The following PSMA7 variants were observed in gnomAD, a reference collection of about 807,000 sequenced individuals.
PSMA7 encodes proteasome 20S subunit alpha 7, also known as proteasome subunit alpha type-7.
In PSMA7, 5 loss-of-function variants were observed where a neutral mutation model predicts 31.3. The ratio of observed to expected loss-of-function variants is 0.16; its 90% CI spans 0.08 to 0.34. The LOEUF is 0.34. Among genes scored for constraint, PSMA7 ranks in the 10% least tolerant of loss-of-function variants. The probability of loss-of-function intolerance (pLI) is 1.00; values close to 1 mark genes in which losing one functional copy is unlikely to be tolerated. For synonymous variants in PSMA7, 155 were observed against 121.9 expected, an observed-to-expected ratio of 1.27 and a Z score of -1.79; for missense variants, 217 against 327.5, an observed-to-expected ratio of 0.66 and a Z score of 2.60.
At chr20:62,142,531 G>C (rs756788286) in intron 1 of PSMA7, 2 of 152,252 alleles carry the variant, frequency 1.3e-5, no homozygotes, top group Non-Finnish European at 2.9e-5. Context: ...ATGTCACTAA[G>C]GTCAATGTAC....
intron 4 of PSMA7, 141 bp from the exon 5 acceptor site, chr20:62,138,431 C>T (rs1416172393): frequency 1.8e-6 from 2 of 1,102,058 alleles, no homozygotes; most frequent in African/African-American, 3.1e-5. Flanking sequence ...CAGCTGTGGA[C>T]ACAGGCCCTG....
chr20:62,141,101 T>C (rs2056924963), intron 1 of PSMA7, among the ~76,000 whole-genome samples, 157 bp from the exon 2 acceptor site: 2 of 152,184 alleles, frequency 1.3e-5, no homozygotes, highest in Admixed American at 1.3e-4. Context: ...AAACCCTGTC[T>C]CTACAAAAAG....
Position 62,136,818 on chromosome 20 carries a change from A to G in PSMA7, c.*39T>C. 1 of 1,578,886 alleles carries G rather than the reference A, an allele frequency of 6.3e-7. No individual in the cohort carries two copies. The highest frequency in any genetic ancestry group is 8.6e-7 in the Non-Finnish European group (1 of 1,167,026). On this transcript the variant is annotated 3_prime_UTR_variant, in exon 7 of 7. Coordinates refer to ENST00000370873, the MANE Select transcript of PSMA7 (RefSeq NM_002792.4). ...ACACATCGAGACTCATCCATGATTG[A>G]TATGAATTTAAAAATTACAAGCAAA...
In PSMA7 at chr20:62,139,909, C is replaced by T; in HGVS notation, c.224-4G>A. On this transcript the variant is annotated splice_polypyrimidine_tract_variant and splice_region_variant and intron_variant, in intron 2 of 6. Coordinates refer to ENST00000370873, the MANE Select transcript of PSMA7 (RefSeq NM_002792.4). Reference sequence around the variant, plus strand: ...ATCCTTGCATCGGCGGTGAGGCCTGCAAGGAAAGCAGAGAGGCTTCTGCTA... The same window carrying T: ...ATCCTTGCATCGGCGGTGAGGCCTGTAAGGAAAGCAGAGAGGCTTCTGCTA... The T allele has an allele frequency of 6.2e-7, 1 of 1,612,802 alleles. No homozygotes were observed.
At chr20:62,140,155 G>C (rs962564697) in intron 2 of PSMA7, among the ~76,000 whole-genome samples, 10 of 152,132 alleles carry the variant, frequency 6.6e-5, no homozygotes, top group Non-Finnish European at 1.0e-4. Flanking sequence ...GGCTGAAAAT[G>C]CATTTACTAC....
chr20:62,142,147 G>T (rs6089665), intron 1 of PSMA7, among the ~76,000 whole-genome samples: 96,443 of 152,122 alleles, frequency 0.63, 35,048 homozygotes, highest in Non-Finnish European at 0.8. Context: ...TTGATCTGAA[G>T]TGTTTGGGTT....
At chr20:62,143,121 G>A (rs2056949727) in intron 1 of PSMA7, 87 bp downstream of exon 1, 5 of 867,922 alleles carry the variant, frequency 5.8e-6, no homozygotes, top group Non-Finnish European at 5.6e-6. Flanking sequence ...GGCGCCCACA[G>A]CGCCGCGCCC....
At chr20:62,137,472 A>G (rs756488595) in intron 5 of PSMA7, 46 bp from the exon 6 acceptor site, 1 of 1,586,442 alleles carries the variant, frequency 6.3e-7, no homozygotes, top group South Asian at 1.1e-5. Flanking sequence ...TTCCCTATTC[A>G]AGACAAAAGC....
Position 62,143,160 on chromosome 20 carries a change from C to T in PSMA7, c.96+48G>A. Reference sequence around the variant, plus strand: ...CCCGGCCCTCTCTGGGCTCCCCAGCCCCACTTCCGCCCGCGTCCCCGGCCC... The same window carrying T: ...CCCGGCCCTCTCTGGGCTCCCCAGCTCCACTTCCGCCCGCGTCCCCGGCCC... On this transcript the variant is annotated intron_variant, in intron 1 of 6. Coordinates refer to ENST00000370873, the MANE Select transcript of PSMA7 (RefSeq NM_002792.4). 3.9e-6 allele frequency: 5 copies of T among 1,279,430 alleles called. No homozygotes were observed. In the South Asian group the frequency reaches 7.1e-5, roughly 18 times the overall value. The allele number at this position is 1,279,430 out of a possible 1,614,324, so 79.3% of individuals were successfully genotyped here.
chr20:62,143,116 CCACA>C (rs2056949645), intron 1 of PSMA7, 88 bp downstream of exon 1: 1 of 816,420 alleles, frequency 1.2e-6, no homozygotes, highest in Non-Finnish European at 1.5e-6. Flanking sequence ...CCGCGGGCGC[CCACA>C]GCGCCGCGCC....
At chr20:62,142,953 C>T (rs1337755395) in intron 1 of PSMA7, among the ~76,000 whole-genome samples, 1 of 150,264 alleles carries the variant, frequency 6.7e-6, no homozygotes, top group Non-Finnish European at 1.5e-5. Flanking sequence ...CGGGGCCCCA[C>T]GCGAGGCCGG....
rs935754703 is a variant in PSMA7, at chr20:62,136,868, T to G, written c.736A>C (p.Lys246Gln). 7.5e-6 allele frequency: 12 copies of G among 1,597,906 alleles called. No individual in the cohort carries two copies. The highest frequency in any genetic ancestry group is 4.1e-5 in the African/African-American group (3 of 73,796). Residue 246 changes from lysine (K) to glutamine (Q), a missense_variant, in exon 7 of 7, where the codon AAA becomes CAA. By Grantham distance (53) the Lys-to-Gln change is moderately conservative. Transcript: ENST00000370873. ...AGACATTTTATTCATCATGATGCTT[T>G]CTTTTGTTTCTTCTTTTCGTTTTCT... is the stretch of plus-strand genomic sequence containing the variant. ...KEENEKKKQKKAS is the reference protein window; with the variant it reads ...KEENEKKKQKQAS
intron 4 of PSMA7, 106 bp downstream of exon 4, chr20:62,138,969 T>A (rs1048276426): frequency 5.6e-6 from 8 of 1,417,058 alleles, no homozygotes; most frequent in Admixed American, 4.4e-5. Flanking sequence ...TAACTTAAAC[T>A]GACTCATTCA....
At chr20:62,143,112 G>A (rs2056949491) in intron 1 of PSMA7, 96 bp downstream of exon 1, 1 of 720,458 alleles carries the variant, frequency 1.4e-6, no homozygotes, top group South Asian at 6.0e-5. Flanking sequence ...ACGCCCGCGG[G>A]CGCCCACAGC....
At position 62,138,276 on chromosome 20, in the gene PSMA7, A is replaced by C. The variant is rs1135961; in HGVS notation, c.486T>G (p.Gly162=). 12 of 1,611,200 alleles carry C rather than the reference A, an allele frequency of 7.4e-6. No homozygotes were observed. Among genetic ancestry groups the C allele is most frequent in the African/African-American group, 4.0e-5 (3 of 74,926 alleles). The part of the protein sequence containing the change: ...TYHAWKANAI[G]RGAKSVREFL... ...ACTCGCGCACTGACTTGGCACCCCG[A>C]CCTATGGCATTGGCCTAAAACAGAC... Residue 162 remains glycine (G), a synonymous_variant, in exon 5 of 7, where the codon GGT becomes GGG. Coordinates refer to ENST00000370873, the MANE Select transcript of PSMA7 (RefSeq NM_002792.4).
chr20:62,138,315 C>T (rs777728938), intron 4 of PSMA7, 25 bp from the exon 5 acceptor site: 18 of 1,579,940 alleles, frequency 1.1e-5, no homozygotes, highest in Admixed American at 8.7e-5. Flanking sequence ...TATGTTCTCA[C>T]GTGGCATAGG....
intron 1 of PSMA7, among the ~76,000 whole-genome samples, chr20:62,142,305 C>T (rs1451029927): frequency 6.6e-6 from 1 of 152,158 alleles, no homozygotes; most frequent in Non-Finnish European, 1.5e-5. Context: ...GACTCCTAGT[C>T]CTCTTTAAGC....
Position 62,143,237 on chromosome 20 carries a change from G to T in PSMA7, c.67C>A (p.Gln23Lys). The change falls in exon 1 of 7, where the codon CAG becomes AAG. Residue 23 changes from glutamine to lysine, a missense_variant. Gln to Lys is a moderately conservative substitution (Grantham distance 53). Coordinates refer to ENST00000370873, the MANE Select transcript of PSMA7 (RefSeq NM_002792.4). The part of the protein sequence containing the change: ...DGHLFQVEYA[Q>K]EAVKKGSTAV... ...GTCGAGCCCTTCTTGACGGCCTCCT[G>T]CGCGTACTCCACTTGGAAGAGGTGG... 1 of 1,470,114 alleles carries T rather than the reference G, an allele frequency of 6.8e-7. No individual in the cohort carries two copies. The allele number at this position is 1,470,114 out of a possible 1,614,324, so 91.1% of individuals were successfully genotyped here. A position where few individuals can be genotyped will look rare whatever the true frequency, so the allele number is the denominator to read the frequency against.
chr20:62,140,312 T>C (rs1191638046), intron 2 of PSMA7, among the ~76,000 whole-genome samples: 1 of 152,244 alleles, frequency 6.6e-6, no homozygotes, highest in Non-Finnish European at 1.5e-5. Context: ...CTCTTGGGAA[T>C]CTTAGAAATT....
Sources: gnomAD v4.1 joint callset for allele counts (sites outside exome capture counted in the v4.1 genomes callset) on GRCh38, gnomAD v4.1.1 for gene constraint, MANE v1.5 for transcripts, NCBI Gene and HGNC (gene_info 2026-07-23, HGNC 2026-07-21) for gene names.